Variants in CADPS observed in about 807,000 individuals in gnomAD.
The protein encoded by CADPS is calcium dependent secretion activator.
Under a neutral mutation model 167.3 loss-of-function variants are expected in CADPS, and 57 were observed. The observed-to-expected ratio is 0.34, with a 90% CI of 0.28 to 0.42. The LOEUF is 0.42. Ranked by LOEUF, CADPS falls within the 20% of genes least tolerant of loss-of-function variation. The probability of loss-of-function intolerance (pLI) is 1.00; values close to 1 mark genes in which losing one functional copy is unlikely to be tolerated. For synonymous variants in CADPS, 676 were observed against 635.3 expected, an observed-to-expected ratio of 1.06 and a Z score of -0.96; for missense variants, 1,414 against 1,738.1, an observed-to-expected ratio of 0.81 and a Z score of 3.32.
At chr3:62,461,757 C>T (rs550169588) in intron 26 of CADPS, among the ~76,000 whole-genome samples, 1 of 152,202 alleles carries the variant, frequency 6.6e-6, no homozygotes. Context: ...ATCACCTCCC[C>T]GCTTTCTCTT....
intron 17 of CADPS, among the ~76,000 whole-genome samples, chr3:62,504,732 T>C (rs2151395145): frequency 1.3e-5 from 2 of 152,280 alleles, no homozygotes; most frequent in South Asian, 4.2e-4. Flanking sequence ...CCAATTACCA[T>C]TGCTCATGTT....
chr3:62,440,330 G>A (rs1056105928), intron 27 of CADPS: 3 of 149,094 alleles, frequency 2.0e-5, no homozygotes, highest in Non-Finnish European at 4.4e-5. Flanking sequence ...TAAAAGAAGA[G>A]TTAAAAAAAA....
intron 3 of CADPS, among the ~76,000 whole-genome samples, chr3:62,744,877 G>T (rs2081118408): frequency 6.6e-6 from 1 of 152,140 alleles, no homozygotes; most frequent in South Asian, 2.1e-4. Flanking sequence ...TTCCATTGCT[G>T]TTAGCATCTT....
At chr3:62,448,682 C>T (rs563119216) in intron 26 of CADPS, among the ~76,000 whole-genome samples, 12 of 152,064 alleles carry the variant, frequency 7.9e-5, no homozygotes, top group African/African-American at 2.2e-4. Flanking sequence ...GGCGCGATCT[C>T]GGCCCACTGC....
At chr3:62,462,833 T>C (rs1451285717) in intron 26 of CADPS, among the ~76,000 whole-genome samples, 1 of 152,128 alleles carries the variant, frequency 6.6e-6, no homozygotes, top group East Asian at 1.9e-4. Context: ...CAAAGGCCAT[T>C]TGGAATTTGG....
chr3:62,565,503 G>C (rs767500598), intron 9 of CADPS, among the ~76,000 whole-genome samples: 10 of 152,072 alleles, frequency 6.6e-5, no homozygotes, highest in Non-Finnish European at 1.5e-4. Flanking sequence ...TTATAAGTAC[G>C]GAATACTGGG....
At chr3:62,813,134 C>A (rs577621960) in intron 1 of CADPS, among the ~76,000 whole-genome samples, 2 of 152,006 alleles carry the variant, frequency 1.3e-5, no homozygotes, top group South Asian at 4.2e-4. Flanking sequence ...TATTTGGAAT[C>A]AAAAAAGGGC....
At chr3:62,536,628 T>C in intron 11 of CADPS, 47 bp from the exon 12 acceptor site, 1 of 1,583,018 alleles carries the variant, frequency 6.3e-7, no homozygotes, top group Non-Finnish European at 8.7e-7. Context: ...GAGAAACACA[T>C]CACATTTTCT....
Position 62,499,283 on chromosome 3 carries a change from T to G in CADPS, c.2600-15A>C. 1 of 1,570,340 alleles carries G rather than the reference T, an allele frequency of 6.4e-7. No individual in the cohort carries two copies. Among genetic ancestry groups the G allele is most frequent in the Non-Finnish European group, 8.8e-7 (1 of 1,140,468 alleles). ...GCCTACATTTTCTGTAGTACAAGAGTTTGTGTTAAAATTCAGCGAAAGTGG... is the reference window on the plus strand; with the variant it reads ...GCCTACATTTTCTGTAGTACAAGAGGTTGTGTTAAAATTCAGCGAAAGTGG... On this transcript the variant is annotated splice_polypyrimidine_tract_variant and intron_variant, in intron 17 of 29. Transcript: ENST00000383710.
intron 1 of CADPS, among the ~76,000 whole-genome samples, chr3:62,853,544 G>A (rs1409978489): frequency 6.7e-6 from 1 of 150,040 alleles, no homozygotes; most frequent in Non-Finnish European, 1.5e-5. Flanking sequence ...GGAATCACTT[G>A]AACCTTTGAG....
chr3:62,535,217 C>G (rs1218631123), intron 12 of CADPS, among the ~76,000 whole-genome samples: 4 of 149,942 alleles, frequency 2.7e-5, no homozygotes, highest in Non-Finnish European at 4.4e-5. Context: ...GCAAGGTAAG[C>G]TTTTTTCTTT....
At chr3:62,615,137 A>G (rs554561300) in intron 6 of CADPS, among the ~76,000 whole-genome samples, 1 of 152,264 alleles carries the variant, frequency 6.6e-6, no homozygotes, top group African/African-American at 2.4e-5. Context: ...GGGATGATGG[A>G]TGTGGTATTG....
chr3:62,766,058 A>T (rs1216679774), intron 1 of CADPS, 74 bp from the exon 2 acceptor site: 4 of 1,046,176 alleles, frequency 3.8e-6, no homozygotes, highest in Admixed American at 1.8e-5. Flanking sequence ...TATGCTGAAG[A>T]TGCCAGACCC....
chr3:62,674,271 C>T (rs1351788976), intron 3 of CADPS, among the ~76,000 whole-genome samples: 4 of 152,180 alleles, frequency 2.6e-5, no homozygotes, highest in African/African-American at 9.6e-5. Flanking sequence ...TTCCAGGGTA[C>T]TTGAGAACTG....
intron 6 of CADPS, among the ~76,000 whole-genome samples, chr3:62,595,319 C>A (rs1311380570): frequency 6.6e-6 from 1 of 152,004 alleles, no homozygotes; most frequent in Non-Finnish European, 1.5e-5. Flanking sequence ...GATAGAAGCT[C>A]CTAAGTGGTT....
chr3:62,461,086 G>C (rs1314355863), intron 26 of CADPS, among the ~76,000 whole-genome samples: 3 of 152,152 alleles, frequency 2.0e-5, no homozygotes, highest in African/African-American at 7.2e-5. Context: ...AGTGAAGGAA[G>C]AATTCACGTG....
chr3:62,628,581 T>TACACAC (rs3080621), intron 6 of CADPS, among the ~76,000 whole-genome samples: 6 of 148,956 alleles, frequency 4.0e-5, no homozygotes, highest in Admixed American at 3.3e-4. Flanking sequence ...TCTACTCCTT[T>TACACAC]ACACACACAC....
intron 6 of CADPS, among the ~76,000 whole-genome samples, chr3:62,627,997 A>G (rs559703838): frequency 6.6e-6 from 1 of 152,330 alleles, no homozygotes; most frequent in South Asian, 2.1e-4. Flanking sequence ...TTAGCAGGTG[A>G]AATTTTCATA....
intron 26 of CADPS, among the ~76,000 whole-genome samples, chr3:62,454,474 C>A (rs1423594522): frequency 6.6e-6 from 1 of 151,938 alleles, no homozygotes; most frequent in Non-Finnish European, 1.5e-5. Flanking sequence ...GGATTTGAAC[C>A]CTAATGGGTG....
Sources: gnomAD v4.1 joint callset for allele counts (sites outside exome capture counted in the v4.1 genomes callset) on GRCh38, gnomAD v4.1.1 for gene constraint, MANE v1.5 for transcripts, NCBI Gene and HGNC (gene_info 2026-07-23, HGNC 2026-07-21) for gene names.